The following BEND4 variants were observed in gnomAD, a reference collection of about 807,000 sequenced individuals.
BEND4 encodes BEN domain-containing protein 4.
Under a neutral mutation model 54.7 loss-of-function variants are expected in BEND4, and 27 were observed. The observed-to-expected ratio is 0.49, with a 90% confidence interval of 0.36 to 0.68. The LOEUF (loss-of-function observed/expected upper bound fraction) is 0.68. BEND4 is among the 30% of genes least tolerant of loss of function. The pLI, the probability that BEND4 is intolerant of heterozygous loss-of-function variation, is 0.00. For missense variants in BEND4, 702 were observed against 697.2 expected, an observed-to-expected ratio of 1.01 and a Z score of -0.08; for synonymous variants, 327 against 299.5, an observed-to-expected ratio of 1.09 and a Z score of -0.95.
Position 42,149,481 on chromosome 4 carries a change from C to A in BEND4, c.487+2176G>T, listed in dbSNP as rs138243537. The stretch of plus-strand genomic sequence containing the variant: ...CCAATTCCCATCTTTCCAACAAGCA[C>A]GAGGGATCCAGCCCTTGGTGCTATC... On this transcript the variant is annotated intron_variant, in intron 2 of 5. Transcript: ENST00000502486. Among the ~76,000 whole-genome samples the A allele has an allele frequency of 4.0e-3, 602 of 152,300 alleles. 2 individuals are homozygous for A. Among genetic ancestry groups the A allele is most frequent in the African/African-American group, 0.014 (578 of 41,556 alleles).
chr4:42,135,446 C>G (rs561464972), intron 3 of BEND4, among the ~76,000 whole-genome samples: 10 of 152,218 alleles, frequency 6.6e-5, no homozygotes, highest in African/African-American at 2.4e-4. Flanking sequence ...GTATCCCAAC[C>G]ATGCCTTATT....
Position 42,152,319 on chromosome 4 carries a change from G to GC in BEND4, c.-177dup. ...CTGTCGCTGAGGCTGGCATCGCCGAGCCCCCGCGCGGGGGGCTGCCGCCCG... is the reference window on the plus strand; with the variant it reads ...CTGTCGCTGAGGCTGGCATCGCCGAGCCCCCCGCGCGGGGGGCTGCCGCCCG... On this transcript the variant is annotated 5_prime_UTR_variant, in exon 2 of 6. Coordinates refer to ENST00000502486, the MANE Select transcript of BEND4 (RefSeq NM_207406.4). 1 of 494,606 alleles carries GC rather than the reference G, an allele frequency of 2.0e-6. No homozygotes were observed. 30.6% of individuals were successfully genotyped at this position (494,606 alleles called of 1,614,324 possible).
chr4:42,143,602 T>C lies in BEND4; in HGVS notation c.880A>G (p.Thr294Ala), dbSNP rs1478768478. The C allele has an allele frequency of 1.2e-6, 2 of 1,600,602 alleles. No individual in the cohort carries two copies. The highest frequency in any genetic ancestry group is 2.3e-5 in the South Asian group (2 of 88,666). Residue 294 changes from threonine (T) to alanine (A), a missense_variant, in exon 3 of 6, where the codon ACT (threonine) becomes GCT (alanine). Transcript: ENST00000502486. ...TSPVHTLGGWTSPATSESHGH... is the reference protein window; with the variant it reads ...TSPVHTLGGWASPATSESHGH... ...TGGGATTCGGACGTTGCTGGGGAAG[T>C]CCAGCCACCTAATGTATGCACAGGA...
At chr4:42,147,313 G>C (rs535337560) in intron 2 of BEND4, among the ~76,000 whole-genome samples, 1 of 152,040 alleles carries the variant, frequency 6.6e-6, no homozygotes, top group Non-Finnish European at 1.5e-5. Context: ...ATTGCATGCA[G>C]CAATAGTTTT....
chr4:42,117,326 C>A lies in BEND4; in HGVS notation c.*192G>T. 3.9e-6 allele frequency: 2 copies of A among 517,158 alleles called. No individual in the cohort carries two copies. The highest frequency in any genetic ancestry group is 3.1e-5 in the South Asian group (1 of 31,786). The allele number at this position is 517,158 out of a possible 1,614,324, so 32.0% of individuals were successfully genotyped here. ...TTTTTCTTTTTATAATATAATATTC[C>A]AAAAGTCTGTTGTAGGTGCCACAGA... On this transcript the variant is annotated 3_prime_UTR_variant, in exon 6 of 6. Transcript: ENST00000502486.
At chr4:42,137,222 A>G (rs1242550149) in intron 3 of BEND4, among the ~76,000 whole-genome samples, 4 of 152,210 alleles carry the variant, frequency 2.6e-5, no homozygotes, top group African/African-American at 9.7e-5. Context: ...AAATGAGATA[A>G]TAAAAAAATG....
chr4:42,130,843 G>T (rs1320434614), intron 3 of BEND4, among the ~76,000 whole-genome samples: 1 of 152,070 alleles, frequency 6.6e-6, no homozygotes, highest in African/African-American at 2.4e-5. Context: ...ACTGGATAAA[G>T]AAAATGTGGT....
intron 4 of BEND4, among the ~76,000 whole-genome samples, chr4:42,120,775 T>C (rs1577746538): frequency 6.6e-6 from 1 of 152,052 alleles, no homozygotes; most frequent in African/African-American, 2.4e-5. Context: ...TGGTAGTCAC[T>C]GCATTACAAC....
chr4:42,151,783 G>A lies in BEND4; in HGVS notation c.361C>T (p.Pro121Ser), dbSNP rs1319401585. ...GACGAGGAGGCGGCGGGGGACGCGG[G>A]CGGCGGCTGCGCCGGAGTCCTCAAG... is the stretch of plus-strand genomic sequence containing the variant. ...GHLRTPAQPP[P>S]ASPAASSSSS... Residue 121 changes from proline (P) to serine (S), a missense_variant, in exon 2 of 6, where the codon CCC becomes TCC. Transcript: ENST00000502486. 22 of 1,492,822 alleles carry A rather than the reference G, an allele frequency of 1.5e-5. No homozygotes were observed. Among genetic ancestry groups the A allele is most frequent in the Non-Finnish European group, 1.8e-5 (20 of 1,128,514 alleles). The allele number at this position is 1,492,822 out of a possible 1,614,324, so 92.5% of individuals were successfully genotyped here.
At chr4:42,151,392 C>G (rs953007662) in intron 2 of BEND4, 2 of 287,780 alleles carry the variant, frequency 6.9e-6, no homozygotes, top group Non-Finnish European at 1.3e-5. Flanking sequence ...CGATCCTGGT[C>G]GCCGACTGCC....
intron 2 of BEND4, among the ~76,000 whole-genome samples, chr4:42,147,262 T>C (rs948521555): frequency 3.0e-4 from 45 of 152,148 alleles, no homozygotes; most frequent in African/African-American, 1.1e-3. Flanking sequence ...ATATTACCAT[T>C]ACATTCGGTG....
intron 2 of BEND4, 178 bp from the exon 3 acceptor site, chr4:42,144,172 T>C: frequency 1.6e-6 from 1 of 643,442 alleles, no homozygotes; most frequent in Non-Finnish European, 2.7e-6. Flanking sequence ...CCTGTTGTTC[T>C]GCGACTGCGG....
chr4:42,138,737 C>T (rs1720783767), intron 3 of BEND4, among the ~76,000 whole-genome samples: 1 of 152,088 alleles, frequency 6.6e-6, no homozygotes, highest in South Asian at 2.1e-4. Context: ...TAAACAGATC[C>T]TCCCTATATT....
chr4:42,117,675 A>G lies in BEND4; in HGVS notation c.1448T>C (p.Ile483Thr), dbSNP rs747847703. 6.2e-7 allele frequency: 1 copy of G among 1,610,858 alleles called. No homozygotes were observed. The highest frequency in any genetic ancestry group is 8.5e-7 in the Non-Finnish European group (1 of 1,178,600). Residue 483 changes from isoleucine to threonine, a missense_variant, in exon 6 of 6, where the codon ATA becomes ACA. Physicochemically the swap from Ile to Thr is moderately conservative, Grantham distance 89. Coordinates refer to ENST00000502486, the MANE Select transcript of BEND4 (RefSeq NM_207406.4). ...PDWWMPSEEQINKVFSDAVGH... is the reference protein window; with the variant it reads ...PDWWMPSEEQTNKVFSDAVGH... The stretch of plus-strand genomic sequence containing the variant: ...GACAGCGTCGCTGAACACTTTGTTT[A>G]TCTGCTCTTCCGAGGGCATCCACCA...
chr4:42,131,774 T>C (rs911447232), intron 3 of BEND4, among the ~76,000 whole-genome samples: 6 of 151,824 alleles, frequency 4.0e-5, no homozygotes, highest in Non-Finnish European at 8.8e-5. Context: ...AAGACAAGGC[T>C]CATATTTGGT....
At chr4:42,137,219 A>G (rs1055473292) in intron 3 of BEND4, among the ~76,000 whole-genome samples, 3 of 152,202 alleles carry the variant, frequency 2.0e-5, no homozygotes. Context: ...ATAAAATGAG[A>G]TAATAAAAAA....
At chr4:42,147,842 G>A (rs1350503259) in intron 2 of BEND4, among the ~76,000 whole-genome samples, 3 of 152,068 alleles carry the variant, frequency 2.0e-5, no homozygotes, top group Admixed American at 1.3e-4. Context: ...GAAGAGGGAT[G>A]GGAAGTAGGC....
intron 3 of BEND4, among the ~76,000 whole-genome samples, chr4:42,132,005 A>C (rs997622806): frequency 6.6e-6 from 1 of 152,170 alleles, no homozygotes; most frequent in Admixed American, 6.5e-5. Context: ...GAATCAAGTG[A>C]AATATTTTCT....
chr4:42,129,337 A>C (rs1400197441), intron 3 of BEND4, among the ~76,000 whole-genome samples: 1 of 152,238 alleles, frequency 6.6e-6, no homozygotes, highest in Non-Finnish European at 1.5e-5. Context: ...TATCATGAAA[A>C]TGGCCATACT....
Sources: allele counts gnomAD v4.1 joint callset (sites outside exome capture counted in the v4.1 genomes callset), GRCh38; gene constraint gnomAD v4.1.1; transcripts MANE v1.5; gene names NCBI Gene and HGNC (gene_info 2026-07-23, HGNC 2026-07-21).